The following DCC variants were observed in gnomAD, a reference collection of about 807,000 sequenced individuals.
DCC encodes netrin receptor DCC.
Under a neutral mutation model 172.5 loss-of-function variants are expected in DCC, and 58 were observed. That is an observed-to-expected ratio of 0.34 (90% CI 0.27 to 0.42). The LOEUF is 0.42. Among genes scored for constraint, DCC ranks in the 10% least tolerant of loss-of-function variants. The pLI, the probability that DCC is intolerant of heterozygous loss-of-function variation, is 1.00. For synonymous variants in DCC, 709 were observed against 644.5 expected, an observed-to-expected ratio of 1.10 and a Z score of -1.52; for missense variants, 1,740 against 1,791.0, an observed-to-expected ratio of 0.97 and a Z score of 0.51.
intron 1 of DCC, among the ~76,000 whole-genome samples, chr18:52,595,704 T>A (rs566509852): frequency 1.3e-5 from 2 of 152,350 alleles, no homozygotes; most frequent in African/African-American, 4.8e-5. Context: ...TTTAACCAGC[T>A]ACAATCACAT....
At chr18:52,993,673 A>G (rs1316317891) in intron 5 of DCC, among the ~76,000 whole-genome samples, 1 of 152,156 alleles carries the variant, frequency 6.6e-6, no homozygotes, top group Non-Finnish European at 1.5e-5. Flanking sequence ...TTGAATTCCC[A>G]GGAAGTAATA....
chr18:53,057,051 A>G (rs2042415966), intron 5 of DCC, among the ~76,000 whole-genome samples: 1 of 148,030 alleles, frequency 6.8e-6, no homozygotes, highest in African/African-American at 2.5e-5. Context: ...GGAAAAGAAT[A>G]GCTGAATAGC....
chr18:52,394,457 G>A (rs1366845931), intron 1 of DCC, among the ~76,000 whole-genome samples: 1 of 144,058 alleles, frequency 6.9e-6, no homozygotes, highest in Non-Finnish European at 1.5e-5. Flanking sequence ...TTTTTTTTTT[G>A]TAGAGGTGGA....
rs146843920 is a variant in DCC, at chr18:53,412,885, T to C, written c.3130+2239T>C. Among the ~76,000 whole-genome samples the C allele has an allele frequency of 3.3e-5, 5 of 152,318 alleles. No homozygotes were observed. In the East Asian group the frequency reaches 7.7e-4, roughly 23 times the overall value. On this transcript the variant is annotated intron_variant, in intron 20 of 28. Coordinates refer to ENST00000442544, the MANE Select transcript of DCC (RefSeq NM_005215.4). ...AAGGGATTATCTTACTGTAAACTTA[T>C]GTAGGTACACATATATGATGTATCT... is the stretch of plus-strand genomic sequence containing the variant.
intron 1 of DCC, among the ~76,000 whole-genome samples, chr18:52,664,643 T>C (rs1294387590): frequency 2.0e-5 from 3 of 151,800 alleles, no homozygotes; most frequent in African/African-American, 7.3e-5. Flanking sequence ...GCTGATTTTT[T>C]GTATTTTTTA....
chr18:53,409,622 A>T (rs1290658963), intron 19 of DCC, among the ~76,000 whole-genome samples: 4 of 152,194 alleles, frequency 2.6e-5, no homozygotes. Context: ...TTAGAGTATA[A>T]ATATGTGACA....
chr18:52,601,953 C>A (rs17748898), intron 1 of DCC, among the ~76,000 whole-genome samples: 11,634 of 152,086 alleles, frequency 0.076, 551 homozygotes, highest in South Asian at 0.15. Flanking sequence ...TCACTTCTCT[C>A]ATGCACTAAG....
At chr18:52,415,998 T>C (rs1200109871) in intron 1 of DCC, among the ~76,000 whole-genome samples, 1 of 152,082 alleles carries the variant, frequency 6.6e-6, no homozygotes. Context: ...CTGCTTTCTC[T>C]TGTGGGCATT....
intron 12 of DCC, among the ~76,000 whole-genome samples, chr18:53,232,508 A>C (rs2056138135): frequency 6.6e-6 from 1 of 152,110 alleles, no homozygotes; most frequent in Non-Finnish European, 1.5e-5. Flanking sequence ...CATTCTCTTC[A>C]TGCCAGGCTC....
intron 12 of DCC, among the ~76,000 whole-genome samples, chr18:53,254,756 T>A (rs1363504550): frequency 2.0e-5 from 3 of 152,028 alleles, no homozygotes; most frequent in African/African-American, 7.2e-5. Context: ...ATTAAACAAG[T>A]GGTCTTAAAC....
At chr18:53,307,866 A>T (rs1013182878) in intron 13 of DCC, among the ~76,000 whole-genome samples, 1 of 139,676 alleles carries the variant, frequency 7.2e-6, no homozygotes, top group Non-Finnish European at 1.5e-5. Flanking sequence ...GAAAATGTCC[A>T]TAACCCTTCT....
chr18:52,912,950 T>C (rs1401891589), intron 3 of DCC, among the ~76,000 whole-genome samples: 1 of 152,064 alleles, frequency 6.6e-6, no homozygotes, highest in African/African-American at 2.4e-5. Context: ...TTTTATGAAA[T>C]ATGAGATTGT....
chr18:52,366,257 G>C (rs542328741), intron 1 of DCC, among the ~76,000 whole-genome samples: 2 of 152,084 alleles, frequency 1.3e-5, no homozygotes, highest in African/African-American at 2.4e-5. Context: ...GGACCCTCGC[G>C]GTGAGTGTTA....
chr18:52,669,923 G>C (rs1183604625), intron 1 of DCC, among the ~76,000 whole-genome samples: 1 of 151,976 alleles, frequency 6.6e-6, no homozygotes, highest in Non-Finnish European at 1.5e-5. Context: ...TGTTTTTTAG[G>C]TCTGGTGGTC....
chr18:52,666,713 G>T (rs944548077), intron 1 of DCC, among the ~76,000 whole-genome samples: 16 of 152,102 alleles, frequency 1.1e-4, no homozygotes, highest in African/African-American at 3.6e-4. Flanking sequence ...GAATCAATTT[G>T]TCTAAAGAAA....
chr18:52,670,495 T>C (rs2035532130), intron 1 of DCC, among the ~76,000 whole-genome samples: 1 of 152,208 alleles, frequency 6.6e-6, no homozygotes, highest in Admixed American at 6.5e-5. Context: ...GTTAGGTCTC[T>C]TTCCTATATA....
chr18:53,101,231 CT>C (rs2043168334), intron 7 of DCC, among the ~76,000 whole-genome samples: 1 of 152,120 alleles, frequency 6.6e-6, no homozygotes, highest in South Asian at 2.1e-4. Flanking sequence ...CGTGTCTGTC[CT>C]TTCTCTGGAG....
At chr18:53,277,858 G>A (rs1219136713) in intron 12 of DCC, among the ~76,000 whole-genome samples, 1 of 152,132 alleles carries the variant, frequency 6.6e-6, no homozygotes. Context: ...CCACGGGATA[G>A]CAATTTGCTG....
intron 1 of DCC, among the ~76,000 whole-genome samples, chr18:52,561,852 A>G (rs2033046815): frequency 6.6e-6 from 1 of 152,062 alleles, no homozygotes. Context: ...TCCTCAATCC[A>G]TTTTTCTCCA....
Sources: gnomAD v4.1 joint callset for allele counts (sites outside exome capture counted in the v4.1 genomes callset) on GRCh38, gnomAD v4.1.1 for gene constraint, MANE v1.5 for transcripts, NCBI Gene and HGNC (gene_info 2026-07-23, HGNC 2026-07-21) for gene names.